Variants in SNX29 observed in about 807,000 individuals in gnomAD.
SNX29 encodes sorting nexin-29.
Under a neutral mutation model 102.1 loss-of-function variants are expected in SNX29, and 78 were observed. That is an observed-to-expected ratio of 0.76 (90% CI 0.64 to 0.92). The LOEUF (loss-of-function observed/expected upper bound fraction) is 0.92, where lower values mean the gene tolerates loss of function less well. SNX29 is among the 40% of genes least tolerant of loss of function. SNX29 has a pLI of 0.00. For synonymous variants in SNX29, 580 were observed against 414.5 expected (o/e 1.40, Z -4.85); for missense variants, 1,280 against 1,061.7 (o/e 1.21, Z -2.86).
At chr16:12,432,233 G>A (rs1021473937) in intron 18 of SNX29, among the ~76,000 whole-genome samples, 3 of 152,186 alleles carry the variant, frequency 2.0e-5, no homozygotes, top group Non-Finnish European at 2.9e-5. Flanking sequence ...TCGGTCCTCC[G>A]CATTTACGCA....
At chr16:12,023,340 C>G (rs1324840785) in intron 3 of SNX29, among the ~76,000 whole-genome samples, 1 of 149,080 alleles carries the variant, frequency 6.7e-6, no homozygotes, top group African/African-American at 2.5e-5. Context: ...CCAGTGAAGC[C>G]AGAGTGTCTG....
intron 13 of SNX29, among the ~76,000 whole-genome samples, chr16:12,166,110 A>G (rs925356453): frequency 3.3e-5 from 5 of 152,256 alleles, no homozygotes; most frequent in African/African-American, 1.2e-4. Context: ...TATCGTAATA[A>G]TAGTAGCAGC....
intron 18 of SNX29, among the ~76,000 whole-genome samples, chr16:12,412,033 A>G (rs2084416895): frequency 6.6e-6 from 1 of 152,108 alleles, no homozygotes; most frequent in African/African-American, 2.4e-5. Context: ...GCAAGACAGC[A>G]TTTTCCTAAG....
rs1375824742 is a variant in SNX29 at position 12,572,618 on chromosome 16, C to G, written c.*3989C>G. 4 of 1,063,742 alleles carry G rather than the reference C, an allele frequency of 3.8e-6. No individual in the cohort carries two copies. The highest frequency in any genetic ancestry group is 4.6e-6 in the Non-Finnish European group (4 of 878,360). 65.9% of individuals were successfully genotyped at this position (1,063,742 alleles called of 1,614,324 possible). ...GTGAGCCCCCTCCCCTCCGGCTACC[C>G]CCAGAATCCATCCTTCATTCCTCCA... is the stretch of plus-strand genomic sequence containing the variant. On this transcript the variant is annotated 3_prime_UTR_variant, in exon 21 of 21. Transcript: ENST00000566228.
At chr16:12,258,782 G>C (rs1040182603) in intron 14 of SNX29, among the ~76,000 whole-genome samples, 3 of 152,122 alleles carry the variant, frequency 2.0e-5, no homozygotes, top group Non-Finnish European at 4.4e-5. Flanking sequence ...GGTAGTTCCT[G>C]AATCAGACGT....
At chr16:12,317,588 C>A (rs541673731) in intron 15 of SNX29, among the ~76,000 whole-genome samples, 11 of 152,304 alleles carry the variant, frequency 7.2e-5, no homozygotes, top group Admixed American at 6.5e-4. Context: ...TTTCTGTGTG[C>A]TGCCACCTAA....
At chr16:12,313,902 A>G (rs149796475) in intron 15 of SNX29, among the ~76,000 whole-genome samples, 3 of 152,376 alleles carry the variant, frequency 2.0e-5, no homozygotes, top group Admixed American at 1.3e-4. Flanking sequence ...AGGCTCAAAA[A>G]CAACCATCTG....
intron 10 of SNX29, among the ~76,000 whole-genome samples, chr16:12,074,460 T>C (rs1249899315): frequency 6.6e-6 from 1 of 152,136 alleles, no homozygotes; most frequent in African/African-American, 2.4e-5. Flanking sequence ...AAATTCTGGG[T>C]TGAAAATTCT....
At chr16:12,267,254 G>GTGTGTGTGT (rs763440127) in intron 14 of SNX29, among the ~76,000 whole-genome samples, 406 of 152,174 alleles carry the variant, frequency 2.7e-3, no homozygotes, top group Non-Finnish European at 4.5e-3. Flanking sequence ...GAGTGTGTGT[G>GTGTGTGTGT]TGTGTGTATG....
chr16:12,433,806 A>T (rs538063773), intron 18 of SNX29, among the ~76,000 whole-genome samples: 1 of 152,330 alleles, frequency 6.6e-6, no homozygotes, highest in Middle Eastern at 3.4e-3. Context: ...CCCAGGCGAC[A>T]GAGTGAGACC....
intron 20 of SNX29, among the ~76,000 whole-genome samples, chr16:12,563,154 G>T (rs775065327): frequency 6.6e-6 from 1 of 151,934 alleles, no homozygotes; most frequent in Non-Finnish European, 1.5e-5. Context: ...CCAGCTCCAG[G>T]GGGGGCAACT....
At chr16:12,111,189 C>T (rs1176311557) in intron 11 of SNX29, among the ~76,000 whole-genome samples, 1 of 152,180 alleles carries the variant, frequency 6.6e-6, no homozygotes, top group Non-Finnish European at 1.5e-5. Flanking sequence ...TGCCCCTGCA[C>T]CCCAGCAGGA....
intron 19 of SNX29, among the ~76,000 whole-genome samples, chr16:12,519,212 T>C (rs1165747151): frequency 6.6e-6 from 1 of 152,170 alleles, no homozygotes; most frequent in East Asian, 1.9e-4. Flanking sequence ...AAAACATACC[T>C]GTGGGTCACA....
intron 16 of SNX29, among the ~76,000 whole-genome samples, chr16:12,386,588 G>C (rs887165369): frequency 4.6e-5 from 7 of 152,110 alleles, no homozygotes; most frequent in East Asian, 1.9e-4. Context: ...CCAATAGCAG[G>C]GTTCTTGGTA....
chr16:12,292,558 A>G (rs1370328587), intron 15 of SNX29, among the ~76,000 whole-genome samples: 1 of 152,182 alleles, frequency 6.6e-6, no homozygotes, highest in East Asian at 1.9e-4. Flanking sequence ...AGTGGTGCTG[A>G]GAGGCTTCTG....
At chr16:12,019,583 TATATATATATAG>T (rs1280723102) in intron 3 of SNX29, among the ~76,000 whole-genome samples, 3 of 140,020 alleles carry the variant, frequency 2.1e-5, no homozygotes, top group African/African-American at 8.3e-5. Context: ...TATATGTAAA[TATATATATATAG>T]ATAGATAGAT....
chr16:12,065,635 A>G (rs766606591), intron 9 of SNX29, among the ~76,000 whole-genome samples: 1 of 152,162 alleles, frequency 6.6e-6, no homozygotes, highest in African/African-American at 2.4e-5. Context: ...GATTGGTTTT[A>G]GCACTTAGCT....
intron 4 of SNX29, among the ~76,000 whole-genome samples, chr16:12,031,848 T>C (rs2057355239): frequency 6.6e-6 from 1 of 151,698 alleles, no homozygotes; most frequent in South Asian, 2.1e-4. Context: ...ATTGGTAAAA[T>C]ATACATAATG....
At chr16:12,553,846 G>A (rs973071118) in intron 20 of SNX29, among the ~76,000 whole-genome samples, 8 of 151,880 alleles carry the variant, frequency 5.3e-5, no homozygotes, top group Non-Finnish European at 7.4e-5. Context: ...TAGGTCTACC[G>A]AAAGTGCTGG....
Sources: allele counts gnomAD v4.1 joint callset (sites outside exome capture counted in the v4.1 genomes callset), GRCh38; gene constraint gnomAD v4.1.1; transcripts MANE v1.5; gene names NCBI Gene and HGNC (gene_info 2026-07-23, HGNC 2026-07-21).